The following AKR1C2 variants were observed in gnomAD, a reference collection of about 807,000 sequenced individuals.
AKR1C2 encodes aldo-keto reductase family 1 member C2.
A neutral mutation model predicts 39.8 loss-of-function variants in AKR1C2; 27 were observed. That is an observed-to-expected ratio of 0.68 (90% confidence interval 0.50 to 0.93). The LOEUF is 0.93. AKR1C2 is among the 40% of genes least tolerant of loss of function. AKR1C2 has a pLI of 0.00. For synonymous variants in AKR1C2, 114 were observed against 137.9 expected (o/e 0.83, Z 1.22); for missense variants, 263 against 365.1 (o/e 0.72, Z 2.28).
At chr10:5,005,525 C>CAAAA (rs57669101), upstream of AKR1C2, among the ~76,000 whole-genome samples, 1 of 150,210 alleles carries the variant, frequency 6.7e-6, no homozygotes, top group Non-Finnish European at 1.5e-5. Flanking sequence ...TACTAAAATC[C>CAAAA]AAAAAAAAAT....
chr10:5,002,139 T>C (rs1837292279), intron 1 of AKR1C2, among the ~76,000 whole-genome samples: 1 of 152,234 alleles, frequency 6.6e-6, no homozygotes, highest in Admixed American at 6.5e-5. Context: ...ATTTTGTCAA[T>C]GTATGTGAAC....
chr10:5,000,759 T>A, intron 2 of AKR1C2, 93 bp from the exon 3 acceptor site: 1 of 1,174,688 alleles, frequency 8.5e-7, no homozygotes, highest in Non-Finnish European at 1.2e-6. Context: ...TTCTACTACT[T>A]CAAAACTAAT....
chr10:5,001,829 G>C, intron 1 of AKR1C2, 148 bp from the exon 2 acceptor site: 1 of 1,079,282 alleles, frequency 9.3e-7, no homozygotes, highest in Middle Eastern at 2.1e-4. Context: ...CAGTCTGACT[G>C]GGTCTTTCCC....
chr10:4,990,565 T>C (rs550264976), intron 8 of AKR1C2, among the ~76,000 whole-genome samples: 15 of 152,288 alleles, frequency 9.8e-5, no homozygotes, highest in African/African-American at 3.1e-4. Flanking sequence ...AAATTATTGT[T>C]TATGTTATAG....
rs139066425 is a variant in AKR1C2 at position 4,988,935 on chromosome 10, C to T, written c.*1061G>A. 142 of 152,200 alleles carry T rather than the reference C, an allele frequency of 9.3e-4. 1 individual carries two copies. Among genetic ancestry groups the T allele is most frequent in the African/African-American group, 3.4e-3 (140 of 41,514 alleles). The allele number at this position is 152,200 out of a possible 1,614,324, so 9.4% of individuals were successfully genotyped here. A position where few individuals can be genotyped will look rare whatever the true frequency, so the allele number is the denominator to read the frequency against. On this transcript the variant is annotated 3_prime_UTR_variant, in exon 9 of 9. Transcript: ENST00000380753. ...GAAACCAGTGTGCTGTTTTACATAG[C>T]CTGTTTCCAAAAGACATTTGAAGTC...
intron 1 of AKR1C2, among the ~76,000 whole-genome samples, chr10:5,009,433 C>T (rs117272258): frequency 0.011 from 1,730 of 152,088 alleles, 24 homozygotes; most frequent in Non-Finnish European, 0.016. Context: ...GCACACCTTG[C>T]GACCACTCCT....
chr10:4,991,541 C>T lies in AKR1C2; in HGVS notation c.929+290G>A, dbSNP rs570012534. Among the ~76,000 whole-genome samples, 6 of 152,294 alleles carry T rather than the reference C, an allele frequency of 3.9e-5. No individual in the cohort carries two copies. In the South Asian group the frequency reaches 8.3e-4, roughly 21 times the overall value. ...TGTGTACACTAGACAGTAATACAAACGGCAGGCCTACATGGAAGGTGCAGA... is the reference window on the plus strand; with the variant it reads ...TGTGTACACTAGACAGTAATACAAATGGCAGGCCTACATGGAAGGTGCAGA... On this transcript the variant is annotated intron_variant, in intron 8 of 8. Transcript: ENST00000380753.
chr10:4,995,609 C>T (rs1837006020), intron 6 of AKR1C2, 125 bp from the exon 7 acceptor site: 9 of 1,352,860 alleles, frequency 6.7e-6, no homozygotes, highest in Non-Finnish European at 3.0e-6. Flanking sequence ...GAACAGCAGC[C>T]TCAACATCAC....
chr10:5,007,015 G>A (rs1157443055), upstream of AKR1C2, among the ~76,000 whole-genome samples: 12 of 147,946 alleles, frequency 8.1e-5, no homozygotes, highest in East Asian at 1.0e-3. Flanking sequence ...CTTGTGATCC[G>A]CCCACCTTGG....
intron 1 of AKR1C2, among the ~76,000 whole-genome samples, chr10:5,017,564 G>GACTTC (rs1246246918): frequency 1.3e-5 from 2 of 152,066 alleles, no homozygotes; most frequent in African/African-American, 4.8e-5. Flanking sequence ...CCTCAGCCTG[G>GACTTC]ACTTCATTGT....
intron 1 of AKR1C2, among the ~76,000 whole-genome samples, chr10:5,012,171 A>G (rs1837537211): frequency 6.6e-6 from 1 of 152,064 alleles, no homozygotes; most frequent in South Asian, 2.1e-4. Context: ...GATGAAATCT[A>G]GATTTTTCAG....
In AKR1C2 at chr10:5,001,453, T is replaced by G. The variant is rs1171854493; in HGVS notation, c.252+61A>C. ...TCAACTATGGATCCAGTCATAGAACTGCCACCTCCACACAATCACAATAAA... is the reference window on the plus strand; with the variant it reads ...TCAACTATGGATCCAGTCATAGAACGGCCACCTCCACACAATCACAATAAA... On this transcript the variant is annotated intron_variant, in intron 2 of 8. Coordinates refer to ENST00000380753, the MANE Select transcript of AKR1C2 (RefSeq NM_001393392.1). 8.3e-6 allele frequency: 13 copies of G among 1,562,960 alleles called. No homozygotes were observed. In the Admixed American group the frequency reaches 1.2e-4, roughly 14 times the overall value.
chr10:5,011,377 C>T (rs181856747), intron 1 of AKR1C2, among the ~76,000 whole-genome samples: 1 of 152,192 alleles, frequency 6.6e-6, no homozygotes, highest in African/African-American at 2.4e-5. Flanking sequence ...CCAGACCTCA[C>T]CACTGTGCAA....
chr10:5,011,574 C>T (rs2398173), intron 1 of AKR1C2, among the ~76,000 whole-genome samples: 16 of 152,156 alleles, frequency 1.1e-4, no homozygotes, highest in Non-Finnish European at 1.8e-4. Flanking sequence ...TCTGGCTGCA[C>T]GCACATTGAT....
At chr10:5,008,874 T>C (rs1212811145), upstream of AKR1C2, among the ~76,000 whole-genome samples, 1 of 152,246 alleles carries the variant, frequency 6.6e-6, no homozygotes, top group Non-Finnish European at 1.5e-5. Context: ...GCACTGTTTG[T>C]CCTGAGATTT....
chr10:4,990,067 T>G (rs1294898956), intron 8 of AKR1C2, 29 bp from the exon 9 acceptor site: 1 of 1,608,700 alleles, frequency 6.2e-7, no homozygotes, highest in South Asian at 1.1e-5. Flanking sequence ...ATGCACACTC[T>G]GAATGGCAAT....
chr10:5,007,430 G>T (rs193049475), upstream of AKR1C2: 1 of 152,142 alleles, frequency 6.6e-6, no homozygotes, highest in East Asian at 1.9e-4. Flanking sequence ...GTTTCTGTAT[G>T]GAACTGAAGT....
chr10:4,999,371 T>C (rs1837176521), intron 3 of AKR1C2, 94 bp from the exon 4 acceptor site: 1 of 1,606,344 alleles, frequency 6.2e-7, no homozygotes, highest in Non-Finnish European at 8.5e-7. Context: ...TAATCCTCCA[T>C]GAGGTAGGTG....
chr10:5,000,555 C>T lies in AKR1C2; in HGVS notation c.364G>A (p.Val122Ile), dbSNP rs145967531. 2.8e-4 allele frequency: 453 copies of T among 1,613,928 alleles called. No homozygotes were observed. In the African/African-American group the frequency reaches 5.2e-3, roughly 18 times the overall value. ...TGATCACACAAGCTGCCTACCTTTA[C>T]AGACACTGGAAAATGAATAAGATAG... is the stretch of plus-strand genomic sequence containing the variant. ...DLYLIHFPVS[V>I]KPGEEVIPKD... The change falls in exon 3 of 9, where the codon GTA (valine) becomes ATA (isoleucine). Residue 122 changes from valine to isoleucine, a missense_variant. Transcript: ENST00000380753.
Sources: allele counts gnomAD v4.1 joint callset (sites outside exome capture counted in the v4.1 genomes callset), GRCh38; gene constraint gnomAD v4.1.1; transcripts MANE v1.5; gene names NCBI Gene and HGNC (gene_info 2026-07-23, HGNC 2026-07-21).